Variants in CRACD observed in about 807,000 individuals in gnomAD.
CRACD encodes the protein capping protein inhibiting regulator of actin dynamics.
Under a neutral mutation model 106.8 loss-of-function variants are expected in CRACD, and 56 were observed. That is an observed-to-expected ratio of 0.52 (90% CI 0.42 to 0.66). CRACD has a LOEUF of 0.66. CRACD is among the 30% of genes least tolerant of loss of function. The pLI, the probability that CRACD is intolerant of heterozygous loss-of-function variation, is 0.00. For synonymous variants in CRACD, 754 were observed against 670.8 expected (o/e 1.12, Z -1.92); for missense variants, 1,730 against 1,623.2 (o/e 1.07, Z -1.13).
At chr4:56,294,041 G>A (rs1250728334) in intron 3 of CRACD, among the ~76,000 whole-genome samples, 1 of 152,096 alleles carries the variant, frequency 6.6e-6, no homozygotes, top group East Asian at 1.9e-4. Context: ...GACTAGGGAA[G>A]ATGGCAAGAA....
intron 1 of CRACD, among the ~76,000 whole-genome samples, chr4:56,075,530 A>C (rs372260255): frequency 6.6e-6 from 1 of 151,942 alleles, no homozygotes; most frequent in Admixed American, 6.6e-5. Context: ...GATCAGTGGT[A>C]ATATCCCCTT....
chr4:56,232,794 G>A lies in CRACD; in HGVS notation c.-188-39527G>A, dbSNP rs192483983. Among the ~76,000 whole-genome samples, 1,187 of 151,286 alleles carry A rather than the reference G, an allele frequency of 7.8e-3. 12 individuals carry two copies. Among genetic ancestry groups the A allele is most frequent in the Non-Finnish European group, 0.011 (773 of 67,872 alleles). The stretch of plus-strand genomic sequence containing the variant: ...GGCTGGAGTGCAGTGGCGCGATCTC[G>A]GCTCACTGCAAACTCTGCCTCCTGG... On this transcript the variant is annotated intron_variant, in intron 2 of 10. Transcript: ENST00000682029.
chr4:56,079,853 A>G (rs1356998356), intron 1 of CRACD, among the ~76,000 whole-genome samples: 1 of 152,212 alleles, frequency 6.6e-6, no homozygotes, highest in Non-Finnish European at 1.5e-5. Context: ...GACGGAAGGC[A>G]AGTGTAGGTT....
At chr4:56,130,469 A>G (rs1407816489) in intron 1 of CRACD, among the ~76,000 whole-genome samples, 1 of 152,056 alleles carries the variant, frequency 6.6e-6, no homozygotes, top group Non-Finnish European at 1.5e-5. Context: ...TTGGCTTAAA[A>G]CCCTCTTAAA....
At chr4:56,053,306 C>T (rs1385173253) in intron 1 of CRACD, among the ~76,000 whole-genome samples, 4 of 152,104 alleles carry the variant, frequency 2.6e-5, no homozygotes, top group Non-Finnish European at 2.9e-5. Flanking sequence ...ATCCTATTAG[C>T]GTTTTTTGTT....
At chr4:56,262,272 T>C (rs946687425) in intron 2 of CRACD, among the ~76,000 whole-genome samples, 1 of 152,198 alleles carries the variant, frequency 6.6e-6, no homozygotes, top group African/African-American at 2.4e-5. Flanking sequence ...GGCATAGGCA[T>C]ATTTCATAGT....
At position 56,327,959 on chromosome 4, in the gene CRACD, T is replaced by C. The variant is rs1746568560; in HGVS notation, c.*155T>C. On this transcript the variant is annotated 3_prime_UTR_variant, in exon 11 of 11. Transcript: ENST00000682029. Reference sequence around the variant, plus strand: ...ATGTTTAGAAACTGAACTGGTGGTGTTCATTGTAAAGAGTGGATTTGCACA... The same window carrying C: ...ATGTTTAGAAACTGAACTGGTGGTGCTCATTGTAAAGAGTGGATTTGCACA... The C allele has an allele frequency of 3.0e-6, 2 of 667,584 alleles. No homozygotes were observed. The highest frequency in any genetic ancestry group is 4.9e-5 in the South Asian group (2 of 40,522). 41.4% of individuals were successfully genotyped at this position (667,584 alleles called of 1,614,324 possible). A position where few individuals can be genotyped will look rare whatever the true frequency, so the allele number is the denominator to read the frequency against.
chr4:56,187,560 G>A (rs1258933155), intron 2 of CRACD, among the ~76,000 whole-genome samples: 1 of 151,930 alleles, frequency 6.6e-6, no homozygotes, highest in Non-Finnish European at 1.5e-5. Context: ...AGTACTTCTA[G>A]GGGATAAAGC....
At chr4:56,305,290 A>G (rs1055947367) in intron 4 of CRACD, among the ~76,000 whole-genome samples, 2 of 152,194 alleles carry the variant, frequency 1.3e-5, no homozygotes, top group African/African-American at 4.8e-5. Context: ...GGTAAAAAGC[A>G]GACCCTCCCA....
intron 1 of CRACD, among the ~76,000 whole-genome samples, chr4:56,153,210 C>T (rs1188784235): frequency 1.3e-5 from 2 of 152,054 alleles, no homozygotes; most frequent in Non-Finnish European, 2.9e-5. Context: ...GCCTAGGAGG[C>T]GGAGGCTGCA....
intron 2 of CRACD, among the ~76,000 whole-genome samples, chr4:56,223,082 A>G (rs774102123): frequency 1.1e-4 from 16 of 151,706 alleles, no homozygotes; most frequent in Non-Finnish European, 2.4e-4. Context: ...TATAATGGCC[A>G]TGGTAAAATC....
chr4:56,168,732 T>C (rs1736246082), intron 1 of CRACD, among the ~76,000 whole-genome samples: 1 of 150,448 alleles, frequency 6.6e-6, no homozygotes, highest in East Asian at 1.9e-4. Context: ...AAAACTATAG[T>C]TGTATATGCA....
chr4:56,129,010 G>A (rs766983903), intron 1 of CRACD, among the ~76,000 whole-genome samples: 7 of 151,526 alleles, frequency 4.6e-5, no homozygotes, highest in Middle Eastern at 3.4e-3. Context: ...AAAACTAATC[G>A]TACTGTGAAA....
rs186294758 is a variant in CRACD, at chr4:56,227,923, G to A, written c.-188-44398G>A. Among the ~76,000 whole-genome samples, 240 of 152,242 alleles carry A rather than the reference G, an allele frequency of 1.6e-3. 6 individuals are homozygous for A. The highest frequency in any genetic ancestry group is 0.012 in the Admixed American group (181 of 15,286). ...TTTCCCTCTCCCTGCCTCTTAGGAA[G>A]CGCTTAACCTCTACCTGTAGTTTAG... is the stretch of plus-strand genomic sequence containing the variant. On this transcript the variant is annotated intron_variant, in intron 2 of 10. Coordinates refer to ENST00000682029, the MANE Select transcript of CRACD (RefSeq NM_001393381.1).
intron 1 of CRACD, among the ~76,000 whole-genome samples, chr4:56,115,623 G>A (rs1421857728): frequency 6.6e-6 from 1 of 152,154 alleles, no homozygotes; most frequent in Non-Finnish European, 1.5e-5. Flanking sequence ...GAGATTCAAA[G>A]AGGTTACAGT....
intron 3 of CRACD, among the ~76,000 whole-genome samples, chr4:56,275,450 G>GA (rs573851214): frequency 6.7e-6 from 1 of 150,198 alleles, no homozygotes; most frequent in African/African-American, 2.4e-5. Context: ...GGACAACACA[G>GA]AAAAAAAAAG....
intron 1 of CRACD, among the ~76,000 whole-genome samples, chr4:56,177,825 C>A (rs186258466): frequency 6.6e-6 from 1 of 152,136 alleles, no homozygotes; most frequent in African/African-American, 2.4e-5. Flanking sequence ...CTCTAATGAG[C>A]CTTTTTATTT....
intron 2 of CRACD, among the ~76,000 whole-genome samples, chr4:56,180,184 C>T (rs1022151354): frequency 1.3e-5 from 2 of 151,902 alleles, no homozygotes; most frequent in African/African-American, 2.4e-5. Context: ...CCTCATCTGC[C>T]TCCCCTGTAA....
chr4:56,187,001 T>G (rs1560476581), intron 2 of CRACD, among the ~76,000 whole-genome samples: 1 of 151,580 alleles, frequency 6.6e-6, no homozygotes, highest in East Asian at 2.0e-4. Context: ...CTTAGAGGGT[T>G]GAGCCTGCAG....
Sources: allele counts gnomAD v4.1 joint callset (sites outside exome capture counted in the v4.1 genomes callset), GRCh38; gene constraint gnomAD v4.1.1; transcripts MANE v1.5; gene names NCBI Gene and HGNC (gene_info 2026-07-23, HGNC 2026-07-21).